Variants in VSNL1 observed in about 807,000 individuals in gnomAD.
VSNL1 encodes the protein visinin like 1.
A neutral mutation model predicts 20.4 loss-of-function variants in VSNL1; 6 were observed. The observed-to-expected ratio is 0.29, with a 90% CI of 0.16 to 0.58. The LOEUF is 0.58. Among genes scored for constraint, VSNL1 ranks in the 20% least tolerant of loss-of-function variants. The pLI, the probability that VSNL1 is intolerant of heterozygous loss-of-function variation, is 0.90. For missense variants in VSNL1, 100 were observed against 234.5 expected (o/e 0.43, Z 3.75); for synonymous variants, 93 against 86.4 (o/e 1.08, Z -0.42).
intron 1 of VSNL1, among the ~76,000 whole-genome samples, chr2:17,564,570 CTTTG>C (rs975886106): frequency 4.6e-5 from 7 of 151,710 alleles, no homozygotes; most frequent in Non-Finnish European, 8.8e-5. Flanking sequence ...CCCCTTCCAA[CTTTG>C]TTTTTTTTTC....
At chr2:17,617,010 G>A (rs920802100) in intron 2 of VSNL1, among the ~76,000 whole-genome samples, 1 of 152,166 alleles carries the variant, frequency 6.6e-6, no homozygotes, top group Non-Finnish European at 1.5e-5. Flanking sequence ...AAATCTGGTT[G>A]TCACTGAGAA....
At chr2:17,644,803 A>G (rs1665958870) in intron 2 of VSNL1, among the ~76,000 whole-genome samples, 1 of 152,242 alleles carries the variant, frequency 6.6e-6, no homozygotes, top group Non-Finnish European at 1.5e-5. Context: ...AGAGGTAGGT[A>G]CAAGACCAGG....
intron 2 of VSNL1, among the ~76,000 whole-genome samples, chr2:17,599,231 G>A (rs756544367): frequency 6.6e-5 from 10 of 152,192 alleles, no homozygotes; most frequent in Non-Finnish European, 1.3e-4. Flanking sequence ...GGAAAGACAA[G>A]GAAGGGCCTG....
chr2:17,624,611 G>A (rs10182339), intron 2 of VSNL1, among the ~76,000 whole-genome samples: 4,582 of 152,176 alleles, frequency 0.03, 231 homozygotes, highest in African/African-American at 0.1. Flanking sequence ...TGAGGATTCC[G>A]TCTGCCACCA....
intron 2 of VSNL1, among the ~76,000 whole-genome samples, chr2:17,599,424 T>A (rs4240211): frequency 0.71 from 107,673 of 152,086 alleles, 39,737 homozygotes; most frequent in Middle Eastern, 0.89. Flanking sequence ...TTGTGTTGGC[T>A]GGAGGCCCAC....
chr2:17,638,012 G>A (rs931216587), intron 2 of VSNL1, among the ~76,000 whole-genome samples: 7 of 152,176 alleles, frequency 4.6e-5, no homozygotes, highest in East Asian at 1.9e-4. Flanking sequence ...CTGGCCCCAC[G>A]TGCTCAGTTT....
intron 1 of VSNL1, among the ~76,000 whole-genome samples, chr2:17,545,622 G>T (rs988485209): frequency 2.4e-4 from 37 of 152,170 alleles, no homozygotes; most frequent in African/African-American, 7.9e-4. Context: ...GTTTCTAAAG[G>T]TAACTTATGC....
rs900420063 is a variant in VSNL1, at chr2:17,649,810, C to A, written c.378+185C>A. Among the ~76,000 whole-genome samples, 1 of 152,204 alleles carries A rather than the reference C, an allele frequency of 6.6e-6. No homozygotes were observed. The highest frequency in any genetic ancestry group is 2.4e-5 in the African/African-American group (1 of 41,450). On this transcript the variant is annotated intron_variant, in intron 3 of 3. Coordinates refer to ENST00000295156, the MANE Select transcript of VSNL1 (RefSeq NM_003385.5). This position sits in a 1 kb window ranked among gnomAD's most constrained non-coding sequence, Gnocchi z 6.4. ...GTGCTGGGGAGGTCCCAGAACCAAG[C>A]CATGGGGCCCGTACTGTCGTGACGG...
At chr2:17,571,176 TTA>T (rs1664073244) in intron 1 of VSNL1, among the ~76,000 whole-genome samples, 1 of 152,176 alleles carries the variant, frequency 6.6e-6, no homozygotes, top group Admixed American at 6.5e-5. Flanking sequence ...TACCAAGAGC[TTA>T]TGTTTTAGCT....
Position 17,655,455 on chromosome 2 carries a change from TCACACACACACA to T in VSNL1, c.*96_*107del, listed in dbSNP as rs3064980. 1.1e-3 allele frequency: 576 copies of T among 537,458 alleles called. 1 individual carries two copies. Among genetic ancestry groups the T allele is most frequent in the African/African-American group, 3.9e-3 (194 of 50,108 alleles). The allele number at this position is 537,458 out of a possible 1,614,324, so 33.3% of individuals were successfully genotyped here. ...AATGTTCCATTCAGTCTGCAGCTAT[TCACACACACACA>T]CACACACACACACACACACACACAC... is the stretch of plus-strand genomic sequence containing the variant. On this transcript the variant is annotated 3_prime_UTR_variant, in exon 4 of 4. Transcript: ENST00000295156. This position sits in a 1 kb window ranked among gnomAD's most constrained non-coding sequence, Gnocchi z 5.2.
At chr2:17,625,591 C>T (rs1281269709) in intron 2 of VSNL1, among the ~76,000 whole-genome samples, 1 of 152,006 alleles carries the variant, frequency 6.6e-6, no homozygotes, top group Non-Finnish European at 1.5e-5. Flanking sequence ...TAAAAAATTC[C>T]ACCTCCAGCT....
intron 1 of VSNL1, among the ~76,000 whole-genome samples, chr2:17,573,965 T>A (rs62131537): frequency 0.033 from 5,028 of 152,342 alleles, 89 homozygotes; most frequent in East Asian, 0.098. Context: ...GCAGTTGCTT[T>A]GTGGTTGAAT....
rs1666071623 is a variant in VSNL1, at chr2:17,649,290, T to G, written c.163-120T>G. Reference sequence around the variant, plus strand: ...CCTTGACAGTCAGGCCAAACTGCTCTCCAATGGGTGAGGCTCCGACAACGC... The same window carrying G: ...CCTTGACAGTCAGGCCAAACTGCTCGCCAATGGGTGAGGCTCCGACAACGC... On this transcript the variant is annotated intron_variant, in intron 2 of 3. Coordinates refer to ENST00000295156, the MANE Select transcript of VSNL1 (RefSeq NM_003385.5). The surrounding 1 kb of genome is among the most constrained non-coding windows in gnomAD (Gnocchi z 6.4). The G allele has an allele frequency of 1.0e-6, 1 of 976,040 alleles. No homozygotes were observed. Among genetic ancestry groups the G allele is most frequent in the Non-Finnish European group, 1.6e-6 (1 of 631,038 alleles). The allele number at this position is 976,040 out of a possible 1,614,324, so 60.5% of individuals were successfully genotyped here. A position where few individuals can be genotyped will look rare whatever the true frequency, so the allele number is the denominator to read the frequency against.
At chr2:17,607,180 G>T (rs1446632681) in intron 2 of VSNL1, among the ~76,000 whole-genome samples, 1 of 152,108 alleles carries the variant, frequency 6.6e-6, no homozygotes. Flanking sequence ...AAGGAGAATG[G>T]GGCTGAGCCA....
intron 2 of VSNL1, among the ~76,000 whole-genome samples, chr2:17,643,719 A>G (rs981611307): frequency 6.6e-6 from 1 of 152,182 alleles, no homozygotes; most frequent in African/African-American, 2.4e-5. Flanking sequence ...CCCTACAGTG[A>G]CATGCATGTG....
intron 2 of VSNL1, among the ~76,000 whole-genome samples, chr2:17,641,346 T>G (rs530400884): frequency 5.0e-4 from 76 of 152,292 alleles, no homozygotes; most frequent in South Asian, 1.0e-3. Context: ...CCTTCAAAGA[T>G]CCTCACCACT....
At chr2:17,561,642 A>T (rs1558282356) in intron 1 of VSNL1, among the ~76,000 whole-genome samples, 1 of 152,248 alleles carries the variant, frequency 6.6e-6, no homozygotes, top group Non-Finnish European at 1.5e-5. Context: ...AGATGGAAGC[A>T]GACCAGTTTG....
chr2:17,565,621 C>A (rs928513462), intron 1 of VSNL1, among the ~76,000 whole-genome samples: 3 of 151,940 alleles, frequency 2.0e-5, no homozygotes, highest in Admixed American at 6.6e-5. Flanking sequence ...ATAGTTAGTG[C>A]CTAATACAAC....
intron 1 of VSNL1, among the ~76,000 whole-genome samples, chr2:17,589,683 A>C (rs985347934): frequency 6.6e-6 from 1 of 152,186 alleles, no homozygotes; most frequent in Non-Finnish European, 1.5e-5. Flanking sequence ...GTAAGAGACC[A>C]CCCTCTCCAA....
Sources: gnomAD v4.1 joint callset for allele counts (sites outside exome capture counted in the v4.1 genomes callset) on GRCh38, gnomAD v4.1.1 for gene constraint, Gnocchi (gnomAD v3.1) non-coding constraint, MANE v1.5 for transcripts, NCBI Gene and HGNC (gene_info 2026-07-23, HGNC 2026-07-21) for gene names.